The following ASIC2 variants were observed in gnomAD, a reference collection of about 807,000 sequenced individuals.
ASIC2 encodes the protein acid sensing ion channel subunit 2, also known as acid-sensing ion channel 2.
In ASIC2, 25 loss-of-function variants were observed where a neutral mutation model predicts 57.3. That is an observed-to-expected ratio of 0.44 (90% CI 0.32 to 0.61). The LOEUF is 0.61. Ranked by LOEUF, ASIC2 falls within the 20% of genes least tolerant of loss-of-function variation. ASIC2 has a pLI of 0.06. For synonymous variants in ASIC2, 319 were observed against 307.5 expected, an observed-to-expected ratio of 1.04 and a Z score of -0.39; for missense variants, 641 against 738.1, an observed-to-expected ratio of 0.87 and a Z score of 1.52.
intron 1 of ASIC2, among the ~76,000 whole-genome samples, chr17:33,260,861 C>CGACCA: frequency 6.6e-6 from 1 of 152,226 alleles, no homozygotes; most frequent in South Asian, 2.1e-4. Flanking sequence ...GAGCTTGGGC[C>CGACCA]GACCAAACGC....
At chr17:33,087,416 G>C (rs1280354723) in intron 3 of ASIC2, among the ~76,000 whole-genome samples, 2 of 152,046 alleles carry the variant, frequency 1.3e-5, no homozygotes, top group South Asian at 4.1e-4. Flanking sequence ...CTGCATCAAA[G>C]CTGCAATCCC....
At chr17:33,022,422 T>C (rs1032463010) in intron 6 of ASIC2, among the ~76,000 whole-genome samples, 1 of 152,314 alleles carries the variant, frequency 6.6e-6, no homozygotes, top group Non-Finnish European at 1.5e-5. Flanking sequence ...ATTCGTCCTA[T>C]TGGGGAGCAG....
chr17:33,200,007 T>G (rs1008005959), intron 1 of ASIC2, among the ~76,000 whole-genome samples: 14 of 152,154 alleles, frequency 9.2e-5, no homozygotes, highest in Admixed American at 2.6e-4. Context: ...TCCCATGCTC[T>G]GTCCCAGCTT....
chr17:33,920,799 A>G (rs1203297745), intron 1 of ASIC2, among the ~76,000 whole-genome samples: 1 of 152,152 alleles, frequency 6.6e-6, no homozygotes, highest in South Asian at 2.1e-4. Context: ...GATGCAAACC[A>G]TTAAGCCACT....
chr17:33,235,323 C>A (rs1380961056), intron 1 of ASIC2, among the ~76,000 whole-genome samples: 5 of 152,168 alleles, frequency 3.3e-5, no homozygotes, highest in Admixed American at 1.3e-4. Context: ...GGCCTCCCTC[C>A]CTGTGGGGCT....
intron 1 of ASIC2, among the ~76,000 whole-genome samples, chr17:33,126,856 C>CTTTTT (rs1159710708): frequency 0.016 from 1,351 of 85,268 alleles, 56 homozygotes; most frequent in African/African-American, 0.029. Flanking sequence ...TACCATTACT[C>CTTTTT]TTTTTTTTTT....
chr17:33,594,796 T>C (rs1287670830), intron 1 of ASIC2, among the ~76,000 whole-genome samples: 2 of 148,884 alleles, frequency 1.3e-5, no homozygotes, highest in South Asian at 2.1e-4. Flanking sequence ...CCACTGCACT[T>C]CAGCCTGGGC....
At chr17:34,072,879 G>C (rs570742724) in intron 1 of ASIC2, among the ~76,000 whole-genome samples, 41 of 152,312 alleles carry the variant, frequency 2.7e-4, no homozygotes, top group South Asian at 1.5e-3. Context: ...TGGGGGCTTA[G>C]TGGATAATTT....
At chr17:33,894,350 CGTGTGTGTGTGTGTGTGTGT>C (rs201934419) in intron 1 of ASIC2, among the ~76,000 whole-genome samples, 2 of 138,616 alleles carry the variant, frequency 1.4e-5, no homozygotes, top group African/African-American at 2.7e-5. Context: ...TGCGTGCGTG[CGTGTGTGTGTGTGTGTGTGT>C]GTGTGTGTGT....
intron 1 of ASIC2, among the ~76,000 whole-genome samples, chr17:33,565,491 G>A (rs185315550): frequency 4.6e-5 from 7 of 152,160 alleles, no homozygotes; most frequent in African/African-American, 1.4e-4. Flanking sequence ...GCTCTCTGTT[G>A]TTTTCCAGAA....
At chr17:33,151,851 A>G (rs1017708450) in intron 1 of ASIC2, among the ~76,000 whole-genome samples, 1 of 152,240 alleles carries the variant, frequency 6.6e-6, no homozygotes, top group African/African-American at 2.4e-5. Flanking sequence ...ATTACCAGGT[A>G]TTCTGTTATA....
chr17:34,012,251 G>A (rs905908675), intron 1 of ASIC2, among the ~76,000 whole-genome samples: 3 of 152,048 alleles, frequency 2.0e-5, no homozygotes. Flanking sequence ...ATATCTCGAT[G>A]CCTCCAATTG....
rs1454266821 is a variant in ASIC2, at chr17:33,291,651, G to A, written c.465C>T (p.Gly155=). 6.2e-7 allele frequency: 1 copy of A among 1,611,754 alleles called. No homozygotes were observed. The change falls in exon 1 of 10, where the codon GGC becomes GGT. Residue 155 remains glycine, a synonymous_variant. Transcript: ENST00000225823. Reference sequence around the variant, plus strand: ...TGGGCAGCAGCAGCCCGAGCCAGTGGCCGGCATAGTAGAGGTCCCCCTTGG... The same window carrying A: ...TGGGCAGCAGCAGCCCGAGCCAGTGACCGGCATAGTAGAGGTCCCCCTTGG... The part of the protein sequence containing the change: ...RLSKGDLYYA[G]HWLGLLLPNR...
intron 1 of ASIC2, among the ~76,000 whole-genome samples, chr17:33,405,967 A>G (rs1313544939): frequency 6.6e-6 from 1 of 152,018 alleles, no homozygotes; most frequent in Non-Finnish European, 1.5e-5. Flanking sequence ...ACACTAGCCA[A>G]TCACAAACTT....
chr17:33,879,742 G>A (rs1051070755), intron 1 of ASIC2, among the ~76,000 whole-genome samples: 23 of 152,126 alleles, frequency 1.5e-4, no homozygotes, highest in African/African-American at 5.6e-4. Context: ...ATTCAGCTCC[G>A]CACCAAGCGG....
chr17:33,411,193 GC>G (rs1910647038), intron 1 of ASIC2, among the ~76,000 whole-genome samples: 1 of 152,188 alleles, frequency 6.6e-6, no homozygotes, highest in Non-Finnish European at 1.5e-5. Flanking sequence ...CTCTGTCTGA[GC>G]TAGTGTGTGT....
At chr17:33,106,770 C>T (rs892216214) in intron 2 of ASIC2, among the ~76,000 whole-genome samples, 4 of 152,030 alleles carry the variant, frequency 2.6e-5, no homozygotes, top group Non-Finnish European at 2.9e-5. Flanking sequence ...TTCCCCTAAA[C>T]AGGACGTCTG....
At chr17:33,298,945 C>A (rs1033409794) in intron 1 of ASIC2, among the ~76,000 whole-genome samples, 1 of 152,152 alleles carries the variant, frequency 6.6e-6, no homozygotes, top group African/African-American at 2.4e-5. Flanking sequence ...AAAGAGGACA[C>A]AAACAAATGG....
chr17:34,065,529 TA>T (rs1346632648), intron 1 of ASIC2, among the ~76,000 whole-genome samples: 1 of 152,040 alleles, frequency 6.6e-6, no homozygotes, highest in Non-Finnish European at 1.5e-5. Context: ...AAATAAAACA[TA>T]TTTTTTTAAA....
Sources: gnomAD v4.1 joint callset for allele counts (sites outside exome capture counted in the v4.1 genomes callset) on GRCh38, gnomAD v4.1.1 for gene constraint, MANE v1.5 for transcripts, NCBI Gene and HGNC (gene_info 2026-07-23, HGNC 2026-07-21) for gene names.